Variants in CNTN5 observed in about 807,000 individuals in gnomAD.
CNTN5 encodes the protein contactin-5.
CNTN5 carries 77 observed loss-of-function variants against 129.1 expected under a neutral mutation model. The ratio of observed to expected loss-of-function variants is 0.60; its 90% CI spans 0.50 to 0.72. The LOEUF (loss-of-function observed/expected upper bound fraction) is 0.72, where lower values mean the gene tolerates loss of function less well. CNTN5 is among the 30% of genes least tolerant of loss of function. The pLI, the probability that CNTN5 is intolerant of heterozygous loss-of-function variation, is 0.00. For synonymous variants in CNTN5, 509 were observed against 465.6 expected, an observed-to-expected ratio of 1.09 and a Z score of -1.20; for missense variants, 1,478 against 1,328.8, an observed-to-expected ratio of 1.11 and a Z score of -1.75.
chr11:99,140,743 G>A (rs886339700), intron 1 of CNTN5, among the ~76,000 whole-genome samples: 7 of 152,084 alleles, frequency 4.6e-5, no homozygotes, highest in African/African-American at 1.7e-4. Flanking sequence ...TATGTCTGTT[G>A]AGATGATTAT....
intron 7 of CNTN5, among the ~76,000 whole-genome samples, chr11:99,934,668 T>A (rs1176554142): frequency 2.0e-5 from 3 of 151,896 alleles, no homozygotes; most frequent in Non-Finnish European, 2.9e-5. Context: ...GTGGATCCCC[T>A]GAGGTCAGGA....
intron 1 of CNTN5, among the ~76,000 whole-genome samples, chr11:99,179,394 A>G (rs1184283396): frequency 6.6e-6 from 1 of 152,180 alleles, no homozygotes; most frequent in Non-Finnish European, 1.5e-5. Flanking sequence ...GTGAGCCAAG[A>G]TCGTGCCACT....
At chr11:99,523,077 A>T (rs1033257879) in intron 2 of CNTN5, among the ~76,000 whole-genome samples, 9 of 152,214 alleles carry the variant, frequency 5.9e-5, no homozygotes, top group African/African-American at 1.9e-4. Context: ...GCAATTATCT[A>T]CATTCTATCA....
intron 2 of CNTN5, among the ~76,000 whole-genome samples, chr11:99,355,267 T>A (rs1189482198): frequency 6.6e-6 from 1 of 152,224 alleles, no homozygotes; most frequent in African/African-American, 2.4e-5. Flanking sequence ...AAGTCAGTAA[T>A]TCTTTTTTGT....
chr11:99,777,259 C>T (rs754658098), intron 3 of CNTN5, among the ~76,000 whole-genome samples: 12 of 151,714 alleles, frequency 7.9e-5, no homozygotes, highest in Non-Finnish European at 1.3e-4. Context: ...TTTAAAATAG[C>T]GCAATGACAT....
At chr11:99,995,749 G>T (rs1176198935) in intron 8 of CNTN5, among the ~76,000 whole-genome samples, 1 of 152,110 alleles carries the variant, frequency 6.6e-6, no homozygotes, top group African/African-American at 2.4e-5. Context: ...TTTCTATGTG[G>T]TATTTTACAC....
chr11:99,503,012 A>G (rs1946483422), intron 2 of CNTN5, among the ~76,000 whole-genome samples: 1 of 152,182 alleles, frequency 6.6e-6, no homozygotes, highest in Non-Finnish European at 1.5e-5. Flanking sequence ...AGAGTATCTA[A>G]CACTACCAGT....
intron 2 of CNTN5, among the ~76,000 whole-genome samples, chr11:99,489,229 A>G (rs1017678745): frequency 1.2e-4 from 18 of 152,172 alleles, no homozygotes; most frequent in African/African-American, 4.3e-4. Context: ...AATTACAGGT[A>G]ACTCAGCCAA....
At chr11:99,634,068 T>C (rs1951461229) in intron 3 of CNTN5, among the ~76,000 whole-genome samples, 2 of 152,188 alleles carry the variant, frequency 1.3e-5, no homozygotes, top group South Asian at 4.1e-4. Context: ...CTCGGGTTTG[T>C]GTTTAGAAAA....
Position 100,029,054 on chromosome 11 carries a change from G to A in CNTN5, c.980+26918G>A, listed in dbSNP as rs189075922. Among the ~76,000 whole-genome samples the A allele has an allele frequency of 1.8e-3, 275 of 151,778 alleles. 1 individual carries two copies. The highest frequency in any genetic ancestry group is 6.2e-3 in the African/African-American group (257 of 41,396). On this transcript the variant is annotated intron_variant, in intron 9 of 24. Transcript: ENST00000524871. ...AACTTAAAGACCAAGAGCCAAATAC[G>A]TTAGAAGATAGAGAGAGAGAGAGAG...
intron 3 of CNTN5, among the ~76,000 whole-genome samples, chr11:99,722,549 TTAAA>T (rs1591035425): frequency 6.6e-6 from 1 of 152,096 alleles, no homozygotes; most frequent in East Asian, 1.9e-4. Flanking sequence ...ACCTGGGTAA[TTAAA>T]TAATATCTAC....
chr11:99,803,360 G>A (rs372044965), intron 3 of CNTN5, among the ~76,000 whole-genome samples: 5 of 152,318 alleles, frequency 3.3e-5, no homozygotes, highest in Admixed American at 1.3e-4. Context: ...CTAGGCCTGT[G>A]ATGAGGGACA....
chr11:99,959,247 G>A (rs1324816229), intron 8 of CNTN5, among the ~76,000 whole-genome samples: 1 of 152,028 alleles, frequency 6.6e-6, no homozygotes, highest in Non-Finnish European at 1.5e-5. Flanking sequence ...TCTCAACATT[G>A]CCATTCAATC....
chr11:99,158,357 T>G (rs1860435141), intron 1 of CNTN5, among the ~76,000 whole-genome samples: 1 of 152,216 alleles, frequency 6.6e-6, no homozygotes, highest in Non-Finnish European at 1.5e-5. Flanking sequence ...TATTCACAGC[T>G]CTCTCCCTCT....
chr11:100,067,527 T>C (rs1303186282), intron 10 of CNTN5, among the ~76,000 whole-genome samples: 4 of 151,934 alleles, frequency 2.6e-5, no homozygotes, highest in South Asian at 2.1e-4. Flanking sequence ...TACAGAAGTA[T>C]AGCTCTTACA....
chr11:99,382,844 A>AGTTTTTTTTTTT (rs774797660), intron 2 of CNTN5, among the ~76,000 whole-genome samples: 11 of 69,392 alleles, frequency 1.6e-4, no homozygotes, highest in African/African-American at 3.6e-4. Context: ...TCTCTAAATA[A>AGTTTTTTTTTTT]CTTTTTTTTT....
chr11:100,179,575 G>A (rs1948074944), intron 13 of CNTN5, among the ~76,000 whole-genome samples: 1 of 151,914 alleles, frequency 6.6e-6, no homozygotes, highest in African/African-American at 2.4e-5. Flanking sequence ...AGACCAGGAG[G>A]AAAAATGTGA....
intron 3 of CNTN5, among the ~76,000 whole-genome samples, chr11:99,641,741 TA>T (rs776607818): frequency 1.2e-4 from 18 of 152,160 alleles, no homozygotes; most frequent in Non-Finnish European, 2.4e-4. Flanking sequence ...AACCTCAACT[TA>T]AACCTGGGCA....
intron 8 of CNTN5, among the ~76,000 whole-genome samples, chr11:99,994,167 C>CA (rs11388424): frequency 0.38 from 56,909 of 151,306 alleles, 12,128 homozygotes; most frequent in African/African-American, 0.58. Flanking sequence ...ACAATGGCAA[C>CA]AAAAGAATGT....
Sources: allele counts gnomAD v4.1 joint callset (sites outside exome capture counted in the v4.1 genomes callset), GRCh38; gene constraint gnomAD v4.1.1; transcripts MANE v1.5; gene names NCBI Gene and HGNC (gene_info 2026-07-23, HGNC 2026-07-21).